Variants in SMARCC2 observed in about 807,000 individuals in gnomAD.
The protein encoded by SMARCC2 is SWI/SNF related BAF chromatin remodeling complex subunit C2, also known as SWI/SNF complex subunit SMARCC2.
Under a neutral mutation model 151.3 loss-of-function variants are expected in SMARCC2, and 15 were observed. The observed-to-expected ratio is 0.10, with a 90% CI of 0.07 to 0.15. The LOEUF is 0.15. Ranked by LOEUF, SMARCC2 falls within the 10% of genes least tolerant of loss-of-function variation. The pLI is 1.00. For synonymous variants in SMARCC2, 590 were observed against 609.5 expected, an observed-to-expected ratio of 0.97 and a Z score of 0.47; for missense variants, 1,031 against 1,599.7, an observed-to-expected ratio of 0.64 and a Z score of 6.06.
chr12:56,168,233 A>G, intron 25 of SMARCC2, 39 bp from the exon 26 acceptor site: 1 of 1,612,048 alleles, frequency 6.2e-7, no homozygotes, highest in East Asian at 2.2e-5. Context: ...CAGTGGGAGG[A>G]CCCAACTGAA....
chr12:56,187,967 C>CT (rs1439776344), intron 1 of SMARCC2, among the ~76,000 whole-genome samples: 2 of 152,224 alleles, frequency 1.3e-5, no homozygotes, highest in Non-Finnish European at 2.9e-5. Flanking sequence ...TGTTTCCACA[C>CT]TCTGCTACCT....
At chr12:56,186,981 T>C (rs1397513631) in intron 2 of SMARCC2, 1 of 483,522 alleles carries the variant, frequency 2.1e-6, no homozygotes, top group East Asian at 3.8e-5. Flanking sequence ...AAATAATTTG[T>C]TGCACAAAAT....
chr12:56,179,812 G>A (rs1464511748), intron 11 of SMARCC2, among the ~76,000 whole-genome samples: 5 of 151,904 alleles, frequency 3.3e-5, no homozygotes, highest in East Asian at 3.9e-4. Flanking sequence ...TCAGCCTCCC[G>A]AATAGCTAGG....
intron 1 of SMARCC2, among the ~76,000 whole-genome samples, 135 bp downstream of exon 1, chr12:56,189,196 GGCGCGGGAGCGCAGGAGGGC>G (rs1877886830): frequency 6.8e-6 from 1 of 146,044 alleles, no homozygotes; most frequent in African/African-American, 2.5e-5. Flanking sequence ...CTGGGGGAGG[GGCGCGGGAGCGCAGGAGGGC>G]GCGCGGGGGG....
In SMARCC2 at chr12:56,163,108, AAT is replaced by A. The variant is rs1872106409; in HGVS notation, c.*579_*580del. The A allele has an allele frequency of 6.6e-6, 1 of 152,202 alleles. No homozygotes were observed. The highest frequency in any genetic ancestry group is 2.4e-5 in the African/African-American group (1 of 41,500). The allele number at this position is 152,202 out of a possible 1,614,324, so 9.4% of individuals were successfully genotyped here. A position where few individuals can be genotyped will look rare whatever the true frequency, so the allele number is the denominator to read the frequency against. On this transcript the variant is annotated 3_prime_UTR_variant, in exon 29 of 29. Transcript: ENST00000550164. The stretch of plus-strand genomic sequence containing the variant: ...GGGATTATTAGTACGAATGAACTCG[AAT>A]AAGCTCAGCGTAGGGTGGGGGAGGG...
In SMARCC2 at chr12:56,165,556, T is replaced by G. The variant is rs535809032; in HGVS notation, c.2994A>C (p.Pro998=). ...CTGTTGGGGGGATAGGCTGGGAGCC[T>G]GGGGGCAGGGCTGGTGGTGGCTGCT... ...QQQQPPPALP[P]GSQPIPPTGA... is the part of the protein sequence containing the mutation. The change falls in exon 27 of 29, where the codon CCA becomes CCC. Residue 998 remains proline (P), a synonymous_variant. Transcript: ENST00000550164. 1.2e-6 allele frequency: 2 copies of G among 1,612,900 alleles called. No individual in the cohort carries two copies. Among genetic ancestry groups the G allele is most frequent in the East Asian group, 4.5e-5 (2 of 44,870 alleles).
At chr12:56,178,592 C>T in intron 13 of SMARCC2, 58 bp from the exon 14 acceptor site, 2 of 1,611,548 alleles carry the variant, frequency 1.2e-6, no homozygotes, top group Non-Finnish European at 1.7e-6. Context: ...TAGCAACCCT[C>T]TGCTTCTCCC....
At chr12:56,183,972 G>A in intron 6 of SMARCC2, 42 bp from the exon 7 acceptor site, 1 of 1,463,554 alleles carries the variant, frequency 6.8e-7, no homozygotes, top group Non-Finnish European at 9.5e-7. Context: ...AAGCTAAAGG[G>A]GGACACAAAA....
rs1412821519 is a variant in SMARCC2 at position 56,187,059 on chromosome 12, G to T, written c.231+128C>A. 6 of 868,224 alleles carry T rather than the reference G, an allele frequency of 6.9e-6. No individual in the cohort carries two copies. In the African/African-American group the frequency reaches 8.4e-5, roughly 12 times the overall value. 53.8% of individuals were successfully genotyped at this position (868,224 alleles called of 1,614,324 possible). A position where few individuals can be genotyped will look rare whatever the true frequency, so the allele number is the denominator to read the frequency against. On this transcript the variant is annotated intron_variant, in intron 2 of 28. Coordinates refer to ENST00000550164, the MANE Select transcript of SMARCC2 (RefSeq NM_001330288.2). ...GCCAATAATGCCCTGATCAGGGATA[G>T]GGATGGTGGAAAATAACCCAAATTT...
rs900995457 is a variant in SMARCC2, at chr12:56,165,542, A to T, written c.3008T>A (p.Ile1003Asn). The change falls in exon 27 of 29, where the codon ATC (isoleucine) becomes AAC (asparagine). Residue 1003 changes from isoleucine (I) to asparagine (N), a missense_variant. Coordinates refer to ENST00000550164, the MANE Select transcript of SMARCC2 (RefSeq NM_001330288.2). ...TGGCCCAGCAGCCCCTGTTGGGGGG[A>T]TAGGCTGGGAGCCTGGGGGCAGGGC... is the stretch of plus-strand genomic sequence containing the variant. Reference protein sequence around the residue: ...PPALPPGSQPIPPTGAAGPPA... With the variant: ...PPALPPGSQPNPPTGAAGPPA... The T allele has an allele frequency of 1.2e-5, 20 of 1,611,388 alleles. No individual in the cohort carries two copies. Among genetic ancestry groups the T allele is most frequent in the Non-Finnish European group, 1.6e-5 (19 of 1,179,062 alleles).
At chr12:56,169,273 AAAG>A (rs1425283484) in intron 25 of SMARCC2, among the ~76,000 whole-genome samples, 1 of 152,230 alleles carries the variant, frequency 6.6e-6, no homozygotes, top group African/African-American at 2.4e-5. Context: ...CTCCGTCTCA[AAAG>A]AAGAACATGG....
At position 56,182,033 on chromosome 12, in the gene SMARCC2, C is replaced by T; in HGVS notation, c.679G>A (p.Asp227Asn). 1 of 1,612,692 alleles carries T rather than the reference C, an allele frequency of 6.2e-7. No individual in the cohort carries two copies. Among genetic ancestry groups the T allele is most frequent in the Non-Finnish European group, 8.5e-7 (1 of 1,179,448 alleles). The change falls in exon 8 of 29, where the codon GAT (aspartate) becomes AAT (asparagine). Residue 227 changes from aspartate (D) to asparagine (N), a missense_variant. Asp to Asn is a conservative substitution (Grantham distance 23). This residue lies in a region of SMARCC2 where 123 missense variants were observed against 190.4 expected (regional missense o/e 0.65). Transcript: ENST00000550164. ...CTAGGTTTCTCAGGAGTTGGAGCATCTTCCACAGATGCCTCAATTTCACTC... is the reference window on the plus strand; with the variant it reads ...CTAGGTTTCTCAGGAGTTGGAGCATTTTCCACAGATGCCTCAATTTCACTC... ...PASEIEASVE[D>N]APTPEKPRKV...
chr12:56,164,687 G>A lies in SMARCC2; in HGVS notation c.3277C>T (p.Pro1093Ser), dbSNP rs753705044. 1 of 1,611,868 alleles carries A rather than the reference G, an allele frequency of 6.2e-7. No homozygotes were observed. Among genetic ancestry groups the A allele is most frequent in the East Asian group, 2.2e-5 (1 of 44,848 alleles). The change falls in exon 28 of 29, where the codon CCA becomes TCA. Residue 1093 changes from proline (P) to serine (S), a missense_variant. Physicochemically the swap from Pro to Ser is moderately conservative, Grantham distance 74. Around this residue, in one of 12 missense-constraint regions of SMARCC2, gnomAD observed 310 missense variants for 350.0 expected, o/e 0.89. Transcript: ENST00000550164. The part of the protein sequence containing the change: ...PNQQTPPSMM[P>S]GAVPGSGHPG... The stretch of plus-strand genomic sequence containing the variant: ...TGCCCGCTGCCTGGCACTGCCCCTG[G>A]CATCATTGAGGGAGGAGTTTGTTGG...
chr12:56,186,460 C>T (rs1877275045), intron 2 of SMARCC2: 2 of 508,478 alleles, frequency 3.9e-6, no homozygotes, highest in South Asian at 4.3e-5. Flanking sequence ...AAGCAATTCT[C>T]CTGTCTCAGC....
chr12:56,184,995 A>G lies in SMARCC2; in HGVS notation c.399+35T>C, dbSNP rs1876954162. The G allele has an allele frequency of 2.5e-6, 4 of 1,586,888 alleles. No individual in the cohort carries two copies. In the East Asian group the frequency reaches 8.9e-5, roughly 35 times the overall value. On this transcript the variant is annotated intron_variant, in intron 4 of 28. Coordinates refer to ENST00000550164, the MANE Select transcript of SMARCC2 (RefSeq NM_001330288.2). ...AAAGGGGTGTTTTAGATTCTCACTG[A>G]GGGAAGGGAGATAAATAGGGTATAT...
At chr12:56,185,942 C>T in intron 3 of SMARCC2, 1 of 541,598 alleles carries the variant, frequency 1.8e-6, no homozygotes, top group Non-Finnish European at 3.3e-6. Context: ...ATCCCTTTTC[C>T]TCTACAAAAC....
chr12:56,182,115 G>C (rs377056627), intron 7 of SMARCC2, 36 bp from the exon 8 acceptor site: 1 of 1,455,592 alleles, frequency 6.9e-7, no homozygotes, highest in Non-Finnish European at 9.6e-7. Flanking sequence ...TAGAATCAAT[G>C]GGATAGAATT....
At chr12:56,180,922 GGA>G in intron 11 of SMARCC2, 53 bp downstream of exon 11, 4 of 1,563,978 alleles carry the variant, frequency 2.6e-6, no homozygotes, top group Non-Finnish European at 3.5e-6. Context: ...GTTTGGCAAA[GGA>G]GAGTCAAGAC....
intron 16 of SMARCC2, among the ~76,000 whole-genome samples, chr12:56,174,370 C>A (rs1874533393): frequency 6.6e-6 from 1 of 152,166 alleles, no homozygotes; most frequent in African/African-American, 2.4e-5. Context: ...CCTTGGTCTC[C>A]CAAAATGTTT....
Sources: gnomAD v4.1 joint callset for allele counts (sites outside exome capture counted in the v4.1 genomes callset) on GRCh38, gnomAD v4.1.1 for gene constraint, gnomAD v4.1.1 regional missense constraint, MANE v1.5 for transcripts, NCBI Gene and HGNC (gene_info 2026-07-23, HGNC 2026-07-21) for gene names.